The following RNH1 variants were observed in gnomAD, a reference collection of about 807,000 sequenced individuals.
RNH1 encodes ribonuclease inhibitor.
Under a neutral mutation model 46.1 loss-of-function variants are expected in RNH1, and 38 were observed. That is an observed-to-expected ratio of 0.82 (90% CI 0.64 to 1.08). The LOEUF (loss-of-function observed/expected upper bound fraction) is 1.08. Ranked by LOEUF, RNH1 falls within the 50% of genes least tolerant of loss-of-function variation. The pLI is 0.00. For missense variants in RNH1, 577 were observed against 590.7 expected (o/e 0.98, Z 0.24); for synonymous variants, 319 against 279.1 (o/e 1.14, Z -1.43).
chr11:505,096 C>T (rs1850149390), intron 1 of RNH1, 100 bp from the exon 2 acceptor site: 1 of 152,034 alleles, frequency 6.6e-6, no homozygotes, highest in African/African-American at 2.4e-5. Flanking sequence ...ATTAATGCCT[C>T]ATGTCTCTCT....
intron 8 of RNH1, 76 bp downstream of exon 8, chr11:498,381 C>G (rs769373159): frequency 3.2e-6 from 5 of 1,551,018 alleles, no homozygotes; most frequent in Non-Finnish European, 4.4e-6. Context: ...TGGAGTCGCT[C>G]ACTCCTCCCC....
rs1016489661 is a variant in RNH1, at chr11:494,540, TAA to T, written c.*149_*150del. Reference sequence around the variant, plus strand: ...TGCCAAGAAAGTGCTTTAATGATTATAAAGTGTCCAAAATATACTGGCAGAAA... The same window carrying T: ...TGCCAAGAAAGTGCTTTAATGATTATAGTGTCCAAAATATACTGGCAGAAA... On this transcript the variant is annotated 3_prime_UTR_variant, in exon 11 of 11. Coordinates refer to ENST00000354420, the MANE Select transcript of RNH1 (RefSeq NM_203387.3). The T allele has an allele frequency of 3.0e-5, 22 of 729,936 alleles. No homozygotes were observed. The highest frequency in any genetic ancestry group is 1.6e-4 in the African/African-American group (9 of 56,732). The allele number at this position is 729,936 out of a possible 1,614,324, so 45.2% of individuals were successfully genotyped here. A position where few individuals can be genotyped will look rare whatever the true frequency, so the allele number is the denominator to read the frequency against.
rs763323548 is a variant in RNH1 at position 500,501 on chromosome 11, G to A, written c.255C>T (p.Cys85=). 56 of 1,607,904 alleles carry A rather than the reference G, an allele frequency of 3.5e-5. 1 individual carries two copies. The highest frequency in any genetic ancestry group is 6.8e-6 in the Non-Finnish European group (8 of 1,179,496). ...CVLQGLQTPS[C]KIQKLSLQNC... is the part of the protein sequence containing the mutation. Reference sequence around the variant, plus strand: ...CGCCTCACCTCAGCTTCTGGATCTTGCAGGAGGGGGTCTGCAGGCCCTGGA... The same window carrying A: ...CGCCTCACCTCAGCTTCTGGATCTTACAGGAGGGGGTCTGCAGGCCCTGGA... Residue 85 remains cysteine, a synonymous_variant, in exon 4 of 11, where the codon TGC becomes TGT. Coordinates refer to ENST00000354420, the MANE Select transcript of RNH1 (RefSeq NM_203387.3).
In RNH1 at chr11:494,690, C is replaced by G. The variant is rs77508999; in HGVS notation, c.*1G>C. The G allele has an allele frequency of 6.2e-7, 1 of 1,613,632 alleles. No homozygotes were observed. Among genetic ancestry groups the G allele is most frequent in the Non-Finnish European group, 8.5e-7 (1 of 1,179,884 alleles). ...CAGGGAGAGCAGCAGCAGGAAGAGC[C>G]TCAGGAGATGACCCTCAGGGATGGC... On this transcript the variant is annotated 3_prime_UTR_variant, in exon 11 of 11. Coordinates refer to ENST00000354420, the MANE Select transcript of RNH1 (RefSeq NM_203387.3).
intron 9 of RNH1, among the ~76,000 whole-genome samples, chr11:497,037 C>T (rs1474296149): frequency 6.6e-6 from 1 of 152,262 alleles, no homozygotes; most frequent in East Asian, 1.9e-4. Context: ...CATGAACATG[C>T]ACCCTCACTC....
intron 8 of RNH1, 59 bp from the exon 9 acceptor site, chr11:498,200 C>G (rs1489166275): frequency 1.3e-6 from 2 of 1,542,574 alleles, no homozygotes; most frequent in African/African-American, 1.4e-5. Flanking sequence ...ACAGCTGCGA[C>G]TGGCCCTTCC....
At chr11:500,104 T>G in intron 4 of RNH1, 105 bp from the exon 5 acceptor site, 1 of 1,298,668 alleles carries the variant, frequency 7.7e-7, no homozygotes, top group Non-Finnish European at 1.0e-6. Flanking sequence ...GCGGCAGGTC[T>G]ATACCTGCTC....
rs1021271537 is a variant in RNH1, at chr11:500,101, G to T, written c.273-102C>A. 5.4e-6 allele frequency: 7 copies of T among 1,308,102 alleles called. No homozygotes were observed. In the African/African-American group the frequency reaches 6.0e-5, roughly 11 times the overall value. The allele number at this position is 1,308,102 out of a possible 1,614,324, so 81.0% of individuals were successfully genotyped here. A position where few individuals can be genotyped will look rare whatever the true frequency, so the allele number is the denominator to read the frequency against. ...CGGAGCAGCACTCTTCAGGCGGCAGGTCTATACCTGCTCCTTCCCTGGACG... is the reference window on the plus strand; with the variant it reads ...CGGAGCAGCACTCTTCAGGCGGCAGTTCTATACCTGCTCCTTCCCTGGACG... On this transcript the variant is annotated intron_variant, in intron 4 of 10. Coordinates refer to ENST00000354420, the MANE Select transcript of RNH1 (RefSeq NM_203387.3).
In RNH1 at chr11:494,719, T is replaced by C. The variant is rs1005195425; in HGVS notation, c.1358A>G (p.Asp453Gly). 2 of 1,613,684 alleles carry C rather than the reference T, an allele frequency of 1.2e-6. No individual in the cohort carries two copies. The highest frequency in any genetic ancestry group is 2.7e-5 in the African/African-American group (2 of 74,896). Residue 453 changes from aspartate (D) to glycine (G), a missense_variant, in exon 11 of 11, where the codon GAC (aspartate) becomes GGC (glycine). Coordinates refer to ENST00000354420, the MANE Select transcript of RNH1 (RefSeq NM_203387.3). ...GGAGATGACCCTCAGGGATGGCTTG[T>C]CCTTCTCCAGGGCCTGCAGCCGGTC... Reference protein sequence around the residue: ...MEDRLQALEKDKPSLRVIS With the variant: ...MEDRLQALEKGKPSLRVIS
At chr11:497,838 C>T (rs551378719) in intron 9 of RNH1, 133 bp downstream of exon 9, 53 of 1,091,862 alleles carry the variant, frequency 4.9e-5, no homozygotes, top group South Asian at 1.5e-4. Flanking sequence ...TGCTCACACT[C>T]GCCTCACCCA....
In RNH1 at chr11:501,811, C is replaced by G. The variant is rs1849773697; in HGVS notation, c.101+251G>C. 1 of 538,078 alleles carries G rather than the reference C, an allele frequency of 1.9e-6. No individual in the cohort carries two copies. The highest frequency in any genetic ancestry group is 2.2e-5 in the South Asian group (1 of 44,662). The allele number at this position is 538,078 out of a possible 1,614,324, so 33.3% of individuals were successfully genotyped here. On this transcript the variant is annotated intron_variant, in intron 3 of 10. Coordinates refer to ENST00000354420, the MANE Select transcript of RNH1 (RefSeq NM_203387.3). This position sits in a 1 kb window ranked among gnomAD's most constrained non-coding sequence, Gnocchi z 4.1. ...GAGCTGAGACACCGGAGCCAGAGAC[C>G]CACTGGCCAGTGGCCGCCCACCTCG...
At chr11:505,744 G>C (rs1195415641) in intron 1 of RNH1, 11 of 152,286 alleles carry the variant, frequency 7.2e-5, no homozygotes, top group African/African-American at 2.2e-4. Context: ...ATCTTTTGTA[G>C]AGACGGGGGT....
At position 494,944 on chromosome 11, in the gene RNH1, C is replaced by T. The variant is rs370277229; in HGVS notation, c.1237G>A (p.Ala413Thr). The change falls in exon 10 of 11, where the codon GCC becomes ACC. Residue 413 changes from alanine (A) to threonine (T), a missense_variant. Coordinates refer to ENST00000354420, the MANE Select transcript of RNH1 (RefSeq NM_203387.3). ...CTCTCCACCAGCTGCAGGATGCCGG[C>T]GTCCCCCAGGCAGTTGTTGCTGAGG... ...LDLSNNCLGD[A>T]GILQLVESVR... 9.3e-6 allele frequency: 15 copies of T among 1,607,884 alleles called. No individual in the cohort carries two copies. Among genetic ancestry groups the T allele is most frequent in the Admixed American group, 1.7e-5 (1 of 59,072 alleles).
chr11:502,112 G>A lies in RNH1; in HGVS notation c.51C>T (p.Asp17=), dbSNP rs776115867. The A allele has an allele frequency of 1.5e-5, 24 of 1,612,190 alleles. No homozygotes were observed. Among genetic ancestry groups the A allele is most frequent in the African/African-American group, 2.7e-5 (2 of 74,864 alleles). The change falls in exon 3 of 11, where the codon GAC becomes GAT. Residue 17 remains aspartate, a synonymous_variant. Coordinates refer to ENST00000354420, the MANE Select transcript of RNH1 (RefSeq NM_203387.3). This position sits in a 1 kb window ranked among gnomAD's most constrained non-coding sequence, Gnocchi z 5.8. ...SLDIQCEELS[D]ARWAELLPLL... is the part of the protein sequence containing the mutation. ...GAGGGAGGAGCTCGGCCCATCTAGC[G>A]TCGCTCAGCTCCTCACACTGGATGT...
rs1849778163 is a variant in RNH1 at position 501,852 on chromosome 11, C to G, written c.101+210G>C. 1.7e-6 allele frequency: 1 copy of G among 584,130 alleles called. No homozygotes were observed. The highest frequency in any genetic ancestry group is 1.9e-5 in the African/African-American group (1 of 53,626). The allele number at this position is 584,130 out of a possible 1,614,324, so 36.2% of individuals were successfully genotyped here. The stretch of plus-strand genomic sequence containing the variant: ...GCCCACCTCGGCCCGCCCACCTCAG[C>G]CCATGCTGCATGAGCCTGGAATGGG... On this transcript the variant is annotated intron_variant, in intron 3 of 10. Coordinates refer to ENST00000354420, the MANE Select transcript of RNH1 (RefSeq NM_203387.3). The surrounding 1 kb of genome is among the most constrained non-coding windows in gnomAD (Gnocchi z 4.1).
rs1400203025 is a variant in RNH1, at chr11:494,596, C to T, written c.*95G>A. ...GCGGATCTGAGCGTTTCTCTTCAAA[C>T]CTAGGATATGCAGGGTGAGAGCATG... On this transcript the variant is annotated 3_prime_UTR_variant, in exon 11 of 11. Transcript: ENST00000354420. 15 of 1,060,918 alleles carry T rather than the reference C, an allele frequency of 1.4e-5. No homozygotes were observed. Among genetic ancestry groups the T allele is most frequent in the Non-Finnish European group, 1.7e-5 (12 of 696,412 alleles). 65.7% of individuals were successfully genotyped at this position (1,060,918 alleles called of 1,614,324 possible).
At chr11:497,714 C>T (rs1055989126) in intron 9 of RNH1, among the ~76,000 whole-genome samples, 13 of 151,966 alleles carry the variant, frequency 8.6e-5, no homozygotes, top group African/African-American at 3.1e-4. Context: ...CGTGCTCATT[C>T]TTGCCCATGT....
chr11:498,435 C>T (rs1176729059), intron 8 of RNH1, 22 bp downstream of exon 8: 1 of 1,609,670 alleles, frequency 6.2e-7, no homozygotes, highest in African/African-American at 1.3e-5. Context: ...CGACAGGGCC[C>T]TGCCCCGACA....
At chr11:496,150 C>A (rs1849038872) in intron 9 of RNH1, among the ~76,000 whole-genome samples, 1 of 152,174 alleles carries the variant, frequency 6.6e-6, no homozygotes, top group Non-Finnish European at 1.5e-5. Flanking sequence ...GTATCCAGCA[C>A]AAAGAACCAA....
Sources: gnomAD v4.1 joint callset for allele counts (sites outside exome capture counted in the v4.1 genomes callset) on GRCh38, gnomAD v4.1.1 for gene constraint, Gnocchi (gnomAD v3.1) non-coding constraint, MANE v1.5 for transcripts, NCBI Gene and HGNC (gene_info 2026-07-23, HGNC 2026-07-21) for gene names.